The following WWOX variants were observed in gnomAD, a reference collection of about 807,000 sequenced individuals.
The protein encoded by WWOX is WW domain-containing oxidoreductase.
WWOX carries 69 observed loss-of-function variants against 46.2 expected under a neutral mutation model. That is an observed-to-expected ratio of 1.49 (90% CI 1.23 to 1.82). WWOX has a LOEUF of 1.82. Among genes scored for constraint, WWOX ranks in the 40% most tolerant of loss-of-function variants. The pLI is 0.00. For missense variants in WWOX, 919 were observed against 542.6 expected (o/e 1.69, Z -6.89); for synonymous variants, 359 against 202.6 (o/e 1.77, Z -6.56).
At chr16:79,177,738 G>T (rs2050829477) in intron 8 of WWOX, among the ~76,000 whole-genome samples, 2 of 152,136 alleles carry the variant, frequency 1.3e-5, no homozygotes, top group African/African-American at 4.8e-5. Flanking sequence ...TTACAAAAAG[G>T]GTCAGCAGAC....
chr16:79,120,870 G>C (rs566706431), intron 8 of WWOX, among the ~76,000 whole-genome samples: 77 of 152,348 alleles, frequency 5.1e-4, no homozygotes, highest in African/African-American at 1.8e-3. Context: ...CCAGGCTTAA[G>C]TAATTCTCCT....
At chr16:78,486,848 A>T (rs574591837) in intron 8 of WWOX, among the ~76,000 whole-genome samples, 1 of 152,342 alleles carries the variant, frequency 6.6e-6, no homozygotes, top group Admixed American at 6.5e-5. Flanking sequence ...CTGGGATTAC[A>T]GGCATGAGCC....
At chr16:78,904,720 A>G (rs1029538685) in intron 8 of WWOX, among the ~76,000 whole-genome samples, 1 of 152,194 alleles carries the variant, frequency 6.6e-6, no homozygotes. Context: ...GCGTATGTCA[A>G]GATATCTGGT....
chr16:79,087,104 G>A (rs1449949164), intron 8 of WWOX, among the ~76,000 whole-genome samples: 1 of 152,188 alleles, frequency 6.6e-6, no homozygotes, highest in African/African-American at 2.4e-5. Flanking sequence ...GGATGGAGAT[G>A]GGAATTGCAT....
At chr16:78,491,932 G>T (rs2084794230) in intron 8 of WWOX, among the ~76,000 whole-genome samples, 1 of 152,150 alleles carries the variant, frequency 6.6e-6, no homozygotes, top group African/African-American at 2.4e-5. Context: ...GCAGCCCAGG[G>T]TGCTGCTTGT....
chr16:78,110,475 G>C (rs1268673531), intron 3 of WWOX, among the ~76,000 whole-genome samples: 1 of 151,928 alleles, frequency 6.6e-6, no homozygotes, highest in African/African-American at 2.4e-5. Context: ...AGCAGCTCTA[G>C]AGTTATTATT....
At chr16:78,439,682 C>A (rs959944513) in intron 8 of WWOX, among the ~76,000 whole-genome samples, 4 of 152,188 alleles carry the variant, frequency 2.6e-5, no homozygotes, top group Non-Finnish European at 5.9e-5. Context: ...AGTTTAGCTG[C>A]TTTAGGCCGC....
intron 6 of WWOX, among the ~76,000 whole-genome samples, chr16:78,417,226 C>G (rs141598506): frequency 2.0e-5 from 3 of 152,092 alleles, no homozygotes; most frequent in Non-Finnish European, 2.9e-5. Flanking sequence ...GTGCATGCCA[C>G]TGGCTATTTT....
At chr16:78,278,521 T>A in intron 5 of WWOX, 1 of 1,375,322 alleles carries the variant, frequency 7.3e-7, no homozygotes, top group Non-Finnish European at 1.0e-6. Context: ...CAAAAACTTA[T>A]CTTTGGAATG....
At chr16:79,014,374 C>A (rs900882911) in intron 8 of WWOX, among the ~76,000 whole-genome samples, 6 of 152,130 alleles carry the variant, frequency 3.9e-5, no homozygotes, top group East Asian at 3.9e-4. Context: ...TTTCTATTGT[C>A]CCCGAATGGA....
chr16:79,020,080 G>A (rs993722214), intron 8 of WWOX, among the ~76,000 whole-genome samples: 1 of 152,244 alleles, frequency 6.6e-6, no homozygotes, highest in Non-Finnish European at 1.5e-5. Flanking sequence ...CATGGTTGCA[G>A]TGGATAGTCA....
intron 6 of WWOX, among the ~76,000 whole-genome samples, chr16:78,409,718 T>A (rs1334105431): frequency 6.6e-6 from 1 of 152,204 alleles, no homozygotes; most frequent in Non-Finnish European, 1.5e-5. Context: ...AAGGTGTCGG[T>A]ATGGCTCTGC....
intron 8 of WWOX, among the ~76,000 whole-genome samples, chr16:78,660,669 C>G (rs1481064081): frequency 2.0e-5 from 3 of 152,160 alleles, no homozygotes; most frequent in African/African-American, 4.8e-5. Flanking sequence ...ATAAACGTTT[C>G]AGACCTTTCA....
intron 8 of WWOX, among the ~76,000 whole-genome samples, chr16:78,735,245 C>A (rs192118167): frequency 3.9e-5 from 6 of 152,058 alleles, no homozygotes; most frequent in African/African-American, 1.4e-4. Context: ...TGGAGTTGGA[C>A]TGAAACTACA....
intron 8 of WWOX, among the ~76,000 whole-genome samples, chr16:78,788,597 C>T (rs987484768): frequency 1.3e-5 from 2 of 152,184 alleles, no homozygotes; most frequent in East Asian, 1.9e-4. Context: ...AAGCTCCATG[C>T]CCCTACCCCA....
intron 8 of WWOX, among the ~76,000 whole-genome samples, chr16:78,683,713 A>G (rs1174947018): frequency 2.0e-5 from 3 of 152,112 alleles, no homozygotes; most frequent in East Asian, 3.9e-4. Flanking sequence ...CTTGTTTTCA[A>G]TACCATTGAT....
intron 8 of WWOX, among the ~76,000 whole-genome samples, chr16:79,042,986 C>G (rs533287793): frequency 6.6e-6 from 1 of 152,232 alleles, no homozygotes; most frequent in East Asian, 1.9e-4. Flanking sequence ...TGCTAAGATT[C>G]ACTCTTGGTC....
intron 8 of WWOX, among the ~76,000 whole-genome samples, chr16:78,698,967 G>A (rs139743006): frequency 6.6e-6 from 1 of 152,272 alleles, no homozygotes; most frequent in East Asian, 1.9e-4. Context: ...AATAGAAACT[G>A]TTAGGCCAAT....
chr16:78,886,196 A>G (rs1259116010), intron 8 of WWOX, among the ~76,000 whole-genome samples: 1 of 150,110 alleles, frequency 6.7e-6, no homozygotes, highest in East Asian at 2.0e-4. Flanking sequence ...AAGTGCTCGG[A>G]TTACAGGCAT....
Sources: allele counts gnomAD v4.1 joint callset (sites outside exome capture counted in the v4.1 genomes callset), GRCh38; gene constraint gnomAD v4.1.1; transcripts MANE v1.5; gene names NCBI Gene and HGNC (gene_info 2026-07-23, HGNC 2026-07-21).